The following STMND1 variants were observed in gnomAD, a reference collection of about 807,000 sequenced individuals.
The protein encoded by STMND1 is stathmin domain-containing protein 1.
Under a neutral mutation model 23.0 loss-of-function variants are expected in STMND1, and 17 were observed. That is an observed-to-expected ratio of 0.74 (90% CI 0.51 to 1.11). The LOEUF is 1.11. Ranked by LOEUF, STMND1 falls within the 50% of genes least tolerant of loss-of-function variation. The pLI is 0.00. For synonymous variants in STMND1, 114 were observed against 119.9 expected (o/e 0.95, Z 0.32); for missense variants, 305 against 329.1 (o/e 0.93, Z 0.57).
chr6:17,109,526 G>A (rs1273546853), intron 1 of STMND1, among the ~76,000 whole-genome samples: 1 of 152,086 alleles, frequency 6.6e-6, no homozygotes, highest in Non-Finnish European at 1.5e-5. Context: ...TTTTAAATTT[G>A]TATGACTTTT....
chr6:17,115,239 C>A, intron 2 of STMND1, 100 bp downstream of exon 2: 1 of 1,197,852 alleles, frequency 8.3e-7, no homozygotes, highest in Non-Finnish European at 1.1e-6. Context: ...TCATTGCTTT[C>A]TGGGCCATGA....
At chr6:17,121,656 T>A (rs1299764891) in intron 3 of STMND1, among the ~76,000 whole-genome samples, 2 of 152,160 alleles carry the variant, frequency 1.3e-5, no homozygotes, top group African/African-American at 4.8e-5. Context: ...TAGGACTAAA[T>A]GCCAAAGCTA....
chr6:17,102,670 A>T (rs555538245), intron 1 of STMND1, among the ~76,000 whole-genome samples: 1 of 152,214 alleles, frequency 6.6e-6, no homozygotes, highest in East Asian at 1.9e-4. Context: ...GAATAACCGG[A>T]TGAGCAGCAT....
intron 3 of STMND1, chr6:17,128,506 A>G (rs898869572): frequency 1.3e-5 from 2 of 152,150 alleles, no homozygotes; most frequent in African/African-American, 4.8e-5. Context: ...TTCATCTTAT[A>G]TTCATTCTCA....
intron 3 of STMND1, among the ~76,000 whole-genome samples, chr6:17,122,037 AT>A (rs1761240454): frequency 6.6e-6 from 1 of 151,856 alleles, no homozygotes; most frequent in African/African-American, 2.4e-5. Flanking sequence ...TAATTTTTGT[AT>A]TTTTAGTAGA....
chr6:17,109,878 A>G (rs1043758916), intron 1 of STMND1, among the ~76,000 whole-genome samples: 11 of 152,190 alleles, frequency 7.2e-5, no homozygotes, highest in African/African-American at 2.2e-4. Flanking sequence ...GATGATTTTC[A>G]TTTATTTCCA....
Position 17,130,516 on chromosome 6 carries a change from GTTCAA to G in STMND1, c.544-76_544-72del. 24 of 1,133,890 alleles carry G rather than the reference GTTCAA, an allele frequency of 2.1e-5. No individual in the cohort carries two copies. In the South Asian group the frequency reaches 4.0e-4, roughly 19 times the overall value. 70.2% of individuals were successfully genotyped at this position (1,133,890 alleles called of 1,614,324 possible). A position where few individuals can be genotyped will look rare whatever the true frequency, so the allele number is the denominator to read the frequency against. Reference sequence around the variant, plus strand: ...ATGATGACATAGAGAAGCCATGAATGTTCAATACAAGCAACATTAATCACAACTTG... The same window carrying G: ...ATGATGACATAGAGAAGCCATGAATGTACAAGCAACATTAATCACAACTTG... On this transcript the variant is annotated intron_variant, in intron 4 of 4. Coordinates refer to ENST00000536551, the MANE Select transcript of STMND1 (RefSeq NM_001190766.2).
Position 17,115,147 on chromosome 6 carries a change from C to T in STMND1, c.259+8C>T. ...ACAGACGAGTAAATTCAGGTAACCT[C>T]CCTCTGCCCCCATTCACGTAGATCT... On this transcript the variant is annotated splice_region_variant and intron_variant, in intron 2 of 4. Transcript: ENST00000536551. 6 of 1,531,588 alleles carry T rather than the reference C, an allele frequency of 3.9e-6. No homozygotes were observed. Among genetic ancestry groups the T allele is most frequent in the Non-Finnish European group, 5.2e-6 (6 of 1,145,254 alleles). The allele number at this position is 1,531,588 out of a possible 1,614,324, so 94.9% of individuals were successfully genotyped here.
At chr6:17,125,393 G>A (rs1385448407) in intron 3 of STMND1, among the ~76,000 whole-genome samples, 1 of 152,120 alleles carries the variant, frequency 6.6e-6, no homozygotes, top group Non-Finnish European at 1.5e-5. Flanking sequence ...AGGTATTATT[G>A]AGTTCGTCTT....
At chr6:17,124,522 C>T (rs1365377825) in intron 3 of STMND1, among the ~76,000 whole-genome samples, 1 of 152,192 alleles carries the variant, frequency 6.6e-6, no homozygotes, top group Non-Finnish European at 1.5e-5. Context: ...TCGGGGGCAT[C>T]CCCCATAAGC....
chr6:17,123,834 T>A (rs1273971993), intron 3 of STMND1, among the ~76,000 whole-genome samples: 1 of 152,198 alleles, frequency 6.6e-6, no homozygotes, highest in African/African-American at 2.4e-5. Flanking sequence ...AGTTTCTGTG[T>A]CACGGATAAA....
At chr6:17,106,903 A>T (rs529422938) in intron 1 of STMND1, among the ~76,000 whole-genome samples, 1 of 152,320 alleles carries the variant, frequency 6.6e-6, no homozygotes, top group Non-Finnish European at 1.5e-5. Context: ...AAAGCATGGA[A>T]AACTTCTTAG....
In STMND1 at chr6:17,130,963, A is replaced by G. The variant is rs901830533; in HGVS notation, c.*82A>G. The G allele has an allele frequency of 2.3e-6, 3 of 1,298,204 alleles. No individual in the cohort carries two copies. Among genetic ancestry groups the G allele is most frequent in the African/African-American group, 3.0e-5 (2 of 67,430 alleles). 80.4% of individuals were successfully genotyped at this position (1,298,204 alleles called of 1,614,324 possible). A position where few individuals can be genotyped will look rare whatever the true frequency, so the allele number is the denominator to read the frequency against. On this transcript the variant is annotated 3_prime_UTR_variant, in exon 5 of 5. Transcript: ENST00000536551. ...TAGTATGTCTCATATTCTTTGACTG[A>G]CTGACCTCATTCCACTGGGATTTCT...
chr6:17,119,134 C>A (rs984639899), intron 2 of STMND1, among the ~76,000 whole-genome samples: 1 of 152,106 alleles, frequency 6.6e-6, no homozygotes, highest in Admixed American at 6.6e-5. Flanking sequence ...TGTTTTACTA[C>A]CCCATGCCAA....
At chr6:17,129,346 A>G in intron 4 of STMND1, 103 bp downstream of exon 4, 1 of 1,070,470 alleles carries the variant, frequency 9.3e-7, no homozygotes, top group East Asian at 2.8e-5. Flanking sequence ...AACTGCATGG[A>G]TCTATAATCA....
intron 2 of STMND1, among the ~76,000 whole-genome samples, chr6:17,117,936 C>T (rs1302652494): frequency 6.6e-6 from 1 of 151,836 alleles, no homozygotes; most frequent in Non-Finnish European, 1.5e-5. Context: ...GCCTTGGCCT[C>T]CCAAAGTGCT....
chr6:17,120,680 C>T lies in STMND1; in HGVS notation c.333C>T (p.Ile111=). 4 of 1,535,240 alleles carry T rather than the reference C, an allele frequency of 2.6e-6. No individual in the cohort carries two copies. The East Asian group carries it at 7.3e-5, about 28-fold the overall frequency. ...ESRERQKSSD[I]LEELIVQGII... ...GAGAGCGACAGAAGTCATCAGATAT[C>T]CTGGAGGAACTAATTGTTCAAGGAA... Residue 111 remains isoleucine, a synonymous_variant, in exon 3 of 5, where the codon ATC becomes ATT. Coordinates refer to ENST00000536551, the MANE Select transcript of STMND1 (RefSeq NM_001190766.2).
At chr6:17,109,658 A>G (rs559341150) in intron 1 of STMND1, among the ~76,000 whole-genome samples, 20 of 152,248 alleles carry the variant, frequency 1.3e-4, no homozygotes, top group African/African-American at 4.8e-4. Context: ...TTCAAACTGA[A>G]GCTCTGAGAG....
intron 2 of STMND1, among the ~76,000 whole-genome samples, chr6:17,117,732 G>A (rs11966815): frequency 0.035 from 4,190 of 120,208 alleles, 230 homozygotes; most frequent in African/African-American, 0.12. Flanking sequence ...CTGGATTGCA[G>A]TGGTGCAGTC....
Sources: allele counts gnomAD v4.1 joint callset (sites outside exome capture counted in the v4.1 genomes callset), GRCh38; gene constraint gnomAD v4.1.1; transcripts MANE v1.5; gene names NCBI Gene and HGNC (gene_info 2026-07-23, HGNC 2026-07-21).